SERINC5: variants seen among roughly 807,000 people sequenced by gnomAD.
SERINC5 encodes the protein chromosome 5 open reading frame 12.
In SERINC5, 41 loss-of-function variants were observed where a neutral mutation model predicts 63.1. The ratio of observed to expected loss-of-function variants is 0.65; its 90% CI spans 0.51 to 0.84. The LOEUF is 0.84. Among genes scored for constraint, SERINC5 ranks in the 40% least tolerant of loss-of-function variants. The probability of loss-of-function intolerance (pLI) is 0.00; values close to 1 mark genes in which losing one functional copy is unlikely to be tolerated. For missense variants in SERINC5, 523 were observed against 573.0 expected (o/e 0.91, Z 0.89); for synonymous variants, 222 against 215.2 (o/e 1.03, Z -0.28).
chr5:80,203,490 A>G (rs952313906), intron 1 of SERINC5, among the ~76,000 whole-genome samples: 11 of 151,864 alleles, frequency 7.2e-5, no homozygotes, highest in Non-Finnish European at 1.3e-4. Context: ...TGGGCAACAC[A>G]GCAAGACCCC....
At chr5:80,222,419 G>A (rs761386708) in intron 1 of SERINC5, among the ~76,000 whole-genome samples, 3 of 152,088 alleles carry the variant, frequency 2.0e-5, no homozygotes, top group African/African-American at 4.8e-5. Context: ...AAGGAGACTC[G>A]AGAAATGTGA....
Position 80,150,914 on chromosome 5 carries a change from G to A in SERINC5, c.1021C>T (p.Leu341=), listed in dbSNP as rs576621363. ...TSTTRSSSDA[L]QGRYAAPELE... ...TCAGGAGCTGCGTATCGCCCCTGCA[G>A]AGCGTCAGAACTCGATCTTGTTGTT... The change falls in exon 9 of 12, where the codon CTG becomes TTG. Residue 341 remains leucine, a synonymous_variant. Coordinates refer to ENST00000507668, the MANE Select transcript of SERINC5 (RefSeq NM_001174072.3). 2.5e-6 allele frequency: 4 copies of A among 1,613,570 alleles called. No homozygotes were observed. The East Asian group carries it at 8.9e-5, about 36-fold the overall frequency.
At chr5:80,250,820 T>C (rs1022491894) in intron 1 of SERINC5, among the ~76,000 whole-genome samples, 1 of 152,164 alleles carries the variant, frequency 6.6e-6, no homozygotes, top group Non-Finnish European at 1.5e-5. Flanking sequence ...ACCAACCCTT[T>C]GTAACTTTTC....
At chr5:80,151,875 T>C (rs1038044478) in intron 8 of SERINC5, among the ~76,000 whole-genome samples, 10 of 152,122 alleles carry the variant, frequency 6.6e-5, no homozygotes, top group Non-Finnish European at 1.3e-4. Context: ...GGTCTGCTCA[T>C]GGAAAGGTGG....
At chr5:80,255,127 T>G (rs74888647) in intron 1 of SERINC5, 10,669 of 152,280 alleles carry the variant, frequency 0.07, 478 homozygotes, top group East Asian at 0.17. Context: ...AAACCAGCAT[T>G]ACAGGGCTAA....
rs778395997 is a variant in SERINC5, at chr5:80,174,948, A to G, written c.551+6T>C. 1 of 1,582,988 alleles carries G rather than the reference A, an allele frequency of 6.3e-7. No homozygotes were observed. The highest frequency in any genetic ancestry group is 8.6e-7 in the Non-Finnish European group (1 of 1,161,886). ...TCAATGGGAAGCTTTCCATAAAGGC[A>G]CACACCAGTTCTTGTTCCACTTATG... On this transcript the variant is annotated splice_donor_region_variant and intron_variant, in intron 5 of 11. Transcript: ENST00000507668.
In SERINC5 at chr5:80,139,005, A is replaced by G. The variant is rs927210706; in HGVS notation, c.*4658T>C. On this transcript the variant is annotated 3_prime_UTR_variant, in exon 12 of 12. Coordinates refer to ENST00000507668, the MANE Select transcript of SERINC5 (RefSeq NM_001174072.3). ...TAGAAAAATTAACATTAAAAAACAA[A>G]TAGAAATCCATGACTAAAGGGGGAA... 5.1e-6 allele frequency: 5 copies of G among 981,630 alleles called. No individual in the cohort carries two copies. In the Admixed American group the frequency reaches 1.8e-4, roughly 36 times the overall value. 60.8% of individuals were successfully genotyped at this position (981,630 alleles called of 1,614,324 possible). A position where few individuals can be genotyped will look rare whatever the true frequency, so the allele number is the denominator to read the frequency against.
intron 11 of SERINC5, among the ~76,000 whole-genome samples, chr5:80,114,055 C>T (rs1744237178): frequency 6.6e-6 from 1 of 152,008 alleles, no homozygotes; most frequent in Non-Finnish European, 1.5e-5. Flanking sequence ...TGCCCTAGCC[C>T]CATTTCTTCA....
chr5:80,111,674 G>GT (rs1744113941), exon 13 of SERINC5: 1 of 151,244 alleles, frequency 6.6e-6, no homozygotes, highest in Non-Finnish European at 1.5e-5. Flanking sequence ...AAATGAAGGA[G>GT]CCAAATGGAG....
intron 1 of SERINC5, among the ~76,000 whole-genome samples, chr5:80,235,700 A>G (rs761851432): frequency 2.0e-5 from 3 of 152,170 alleles, no homozygotes; most frequent in Non-Finnish European, 2.9e-5. Context: ...GGGTTCAAGC[A>G]ATTCTCGTGC....
At chr5:80,132,444 C>T (rs972821710) in intron 11 of SERINC5, among the ~76,000 whole-genome samples, 3 of 152,040 alleles carry the variant, frequency 2.0e-5, no homozygotes, top group African/African-American at 7.3e-5. Flanking sequence ...ATGCTGAGAC[C>T]ACCTTGTTGT....
chr5:80,224,236 A>C (rs1275224102), intron 1 of SERINC5, among the ~76,000 whole-genome samples: 1 of 152,092 alleles, frequency 6.6e-6, no homozygotes, highest in African/African-American at 2.4e-5. Flanking sequence ...TGAGGCGAGC[A>C]GATGGCTTGA....
chr5:80,205,040 C>T (rs756261326), intron 1 of SERINC5, among the ~76,000 whole-genome samples: 4 of 152,130 alleles, frequency 2.6e-5, no homozygotes, highest in Non-Finnish European at 5.9e-5. Flanking sequence ...GGGAGGCTTA[C>T]CTAAAACACA....
At chr5:80,166,910 A>G (rs1201237844) in intron 6 of SERINC5, 1 of 180,652 alleles carries the variant, frequency 5.5e-6, no homozygotes, top group Non-Finnish European at 1.2e-5. Context: ...TCTGGATTCT[A>G]CAAGGTCATC....
In SERINC5 at chr5:80,130,025, T is replaced by C. The variant is rs116351376; in HGVS notation, c.1238+16065A>G. On this transcript the variant is annotated intron_variant, in intron 11 of 12. Coordinates refer to the SERINC5 transcript ENST00000509193. ...AAAATTTCCTTAATTACTAGTAAGA[T>C]TGAAGGATAGTTTCATGTTTTTTTG... is the stretch of plus-strand genomic sequence containing the variant. 8.3e-3 allele frequency among the ~76,000 whole-genome samples: 1,265 copies of C among 152,332 alleles called. 25 individuals carry two copies. The highest frequency in any genetic ancestry group is 0.029 in the African/African-American group (1,206 of 41,566).
intron 9 of SERINC5, 35 bp downstream of exon 9, chr5:80,150,847 A>C: frequency 6.8e-7 from 1 of 1,461,456 alleles, no homozygotes; most frequent in South Asian, 1.1e-5. Flanking sequence ...GGATCTTCTG[A>C]GATGAAGCAG....
chr5:80,186,586 G>A (rs928680421), intron 2 of SERINC5, among the ~76,000 whole-genome samples: 5 of 152,090 alleles, frequency 3.3e-5, no homozygotes, highest in Non-Finnish European at 7.4e-5. Flanking sequence ...TCCAAAACAT[G>A]AAAACAAGTA....
chr5:80,219,273 A>G (rs754420226), intron 1 of SERINC5, among the ~76,000 whole-genome samples: 114 of 152,244 alleles, frequency 7.5e-4, no homozygotes, highest in Non-Finnish European at 1.5e-3. Context: ...TAGTGCCATG[A>G]AAGTCCTGGT....
intron 1 of SERINC5, among the ~76,000 whole-genome samples, chr5:80,206,810 GCTTTTTTTTTTTTT>G (rs1750186985): frequency 1.2e-5 from 1 of 81,094 alleles, no homozygotes. Context: ...TTCACTGATT[GCTTTTTTTTTTTTT>G]TTTTTTAAGA....
Sources: allele counts gnomAD v4.1 joint callset (sites outside exome capture counted in the v4.1 genomes callset), GRCh38; gene constraint gnomAD v4.1.1; transcripts MANE v1.5; gene names NCBI Gene and HGNC (gene_info 2026-07-23, HGNC 2026-07-21).